Variants in NETO2 observed in about 807,000 individuals in gnomAD.
The protein encoded by NETO2 is neuropilin and tolloid-like protein 2.
Under a neutral mutation model 62.5 loss-of-function variants are expected in NETO2, and 28 were observed. The observed-to-expected ratio is 0.45, with a 90% CI of 0.33 to 0.61. NETO2 has a LOEUF of 0.61. Among genes scored for constraint, NETO2 ranks in the 20% least tolerant of loss-of-function variants. The probability of loss-of-function intolerance (pLI) is 0.02; values close to 1 mark genes in which losing one functional copy is unlikely to be tolerated. For synonymous variants in NETO2, 214 were observed against 219.1 expected (o/e 0.98, Z 0.21); for missense variants, 548 against 643.2 (o/e 0.85, Z 1.60).
At chr16:47,143,549 GCCGT>G (rs927681691) in intron 1 of NETO2, 26 bp downstream of exon 1, 108 of 1,221,630 alleles carry the variant, frequency 8.8e-5, no homozygotes, top group Non-Finnish European at 1.0e-4. Context: ...CGCAGGGGGC[GCCGT>G]CCGTGGCCCC....
intron 6 of NETO2, among the ~76,000 whole-genome samples, chr16:47,116,140 C>G (rs955928953): frequency 4.5e-4 from 63 of 140,196 alleles, no homozygotes; most frequent in African/African-American, 1.5e-3. Flanking sequence ...GTAGGGTTTT[C>G]TGTTTTTTTT....
At chr16:47,095,117 C>T (rs575603870) in intron 7 of NETO2, among the ~76,000 whole-genome samples, 1 of 152,292 alleles carries the variant, frequency 6.6e-6, no homozygotes, top group South Asian at 2.1e-4. Context: ...AAACTTCCCA[C>T]ATGCTTACCA....
At chr16:47,142,368 C>T (rs1964477732) in intron 1 of NETO2, among the ~76,000 whole-genome samples, 2 of 152,182 alleles carry the variant, frequency 1.3e-5, no homozygotes, top group Non-Finnish European at 2.9e-5. Context: ...TTACTGAAAT[C>T]TCAATTACGA....
chr16:47,097,631 T>TGAAGAGAGCAGCG (rs1963455317), intron 7 of NETO2, among the ~76,000 whole-genome samples: 1 of 152,298 alleles, frequency 6.6e-6, no homozygotes, highest in South Asian at 2.1e-4. Flanking sequence ...CTGCCGGCTC[T>TGAAGAGAGCAGCG]GAAGAGAGCA....
At chr16:47,093,519 G>C (rs1324512142) in intron 7 of NETO2, among the ~76,000 whole-genome samples, 1 of 152,074 alleles carries the variant, frequency 6.6e-6, no homozygotes, top group Non-Finnish European at 1.5e-5. Context: ...AACCCTTTAG[G>C]GCAGGTACTG....
chr16:47,097,140 C>A lies in NETO2; in HGVS notation c.884-10801G>T, dbSNP rs189438174. Among the ~76,000 whole-genome samples, 840 of 152,264 alleles carry A rather than the reference C, an allele frequency of 5.5e-3. 6 individuals are homozygous for A. The highest frequency in any genetic ancestry group is 0.01 in the Middle Eastern group (3 of 294). The stretch of plus-strand genomic sequence containing the variant: ...CTACCTGCAGAAGTTTTTTTTCATA[C>A]CCTAGTGGTGCCTGGAACGCCAGCG... On this transcript the variant is annotated intron_variant, in intron 7 of 8. Transcript: ENST00000562435.
In NETO2 at chr16:47,129,214, G is replaced by A. The variant is rs774295866; in HGVS notation, c.232+10C>T. ...AAAAATTCATCCAATAAAAGAAATC[G>A]TTCAAATACCTTCCAAAATGTAGAT... On this transcript the variant is annotated intron_variant, in intron 3 of 8. Coordinates refer to ENST00000562435, the MANE Select transcript of NETO2 (RefSeq NM_018092.5). 2.2e-5 allele frequency: 35 copies of A among 1,612,624 alleles called. No homozygotes were observed. The East Asian group carries it at 4.5e-4, about 21-fold the overall frequency.
At chr16:47,108,769 T>C (rs1201376125) in intron 7 of NETO2, among the ~76,000 whole-genome samples, 4 of 152,210 alleles carry the variant, frequency 2.6e-5, no homozygotes, top group Non-Finnish European at 5.9e-5. Flanking sequence ...TAGTTAATAA[T>C]ATCGTATCTG....
intron 4 of NETO2, among the ~76,000 whole-genome samples, chr16:47,124,168 T>G (rs1484948210): frequency 6.6e-6 from 1 of 152,196 alleles, no homozygotes; most frequent in East Asian, 1.9e-4. Context: ...CTTTTTTTTT[T>G]AACTTTATAA....
chr16:47,131,866 C>A (rs752841441), intron 2 of NETO2, 103 bp downstream of exon 2: 19 of 927,346 alleles, frequency 2.0e-5, no homozygotes, highest in Non-Finnish European at 3.4e-5. Context: ...CACTGGAACA[C>A]CCCAAAGGGA....
chr16:47,133,963 G>A (rs988023905), intron 1 of NETO2, among the ~76,000 whole-genome samples: 4 of 152,178 alleles, frequency 2.6e-5, no homozygotes, highest in African/African-American at 9.7e-5. Context: ...AGGAAGGAAA[G>A]GTGATCATGT....
chr16:47,122,214 G>C (rs903711718), intron 6 of NETO2, among the ~76,000 whole-genome samples: 6 of 152,166 alleles, frequency 3.9e-5, no homozygotes, highest in African/African-American at 1.2e-4. Context: ...GAGGATGGCA[G>C]GGTAAGAACA....
Position 47,122,512 on chromosome 16 carries a change from A to T in NETO2, c.654+145T>A, listed in dbSNP as rs547092583. 5 of 865,698 alleles carry T rather than the reference A, an allele frequency of 5.8e-6. No homozygotes were observed. The South Asian group carries it at 1.1e-4, about 19-fold the overall frequency. The allele number at this position is 865,698 out of a possible 1,614,324, so 53.6% of individuals were successfully genotyped here. On this transcript the variant is annotated intron_variant, in intron 6 of 8. Transcript: ENST00000562435. ...CTGGGATCTTAGTAGATGCCAATAA[A>T]GTAAGTGAAATAAAATACATTTTAA... is the stretch of plus-strand genomic sequence containing the variant.
intron 7 of NETO2, among the ~76,000 whole-genome samples, chr16:47,106,881 A>G (rs978262136): frequency 1.3e-5 from 2 of 151,616 alleles, no homozygotes; most frequent in African/African-American, 4.9e-5. Flanking sequence ...TCCCAGTTTC[A>G]AGCAATTTTC....
chr16:47,129,465 T>C (rs1019359223), intron 2 of NETO2, 101 bp from the exon 3 acceptor site: 2 of 1,193,078 alleles, frequency 1.7e-6, no homozygotes, highest in Non-Finnish European at 2.4e-6. Flanking sequence ...CTATGCTACA[T>C]ATATAAAATT....
intron 7 of NETO2, among the ~76,000 whole-genome samples, chr16:47,108,712 A>G (rs1963723976): frequency 6.6e-6 from 1 of 152,202 alleles, no homozygotes; most frequent in Non-Finnish European, 1.5e-5. Context: ...CTGGATCATA[A>G]AAGGACCTTC....
intron 4 of NETO2, among the ~76,000 whole-genome samples, chr16:47,127,467 G>C (rs1400080223): frequency 6.6e-6 from 1 of 152,132 alleles, no homozygotes; most frequent in Non-Finnish European, 1.5e-5. Flanking sequence ...TTTTTTAAAA[G>C]AGTAAATATT....
intron 4 of NETO2, among the ~76,000 whole-genome samples, chr16:47,124,660 TCATC>T (rs1964118097): frequency 1.3e-5 from 2 of 152,222 alleles, no homozygotes; most frequent in South Asian, 4.1e-4. Context: ...CAATGTGACC[TCATC>T]CACATTATAA....
chr16:47,087,830 T>C (rs1288075302), intron 7 of NETO2, among the ~76,000 whole-genome samples: 2 of 152,192 alleles, frequency 1.3e-5, no homozygotes, highest in South Asian at 2.1e-4. Flanking sequence ...TTCTCTGGGG[T>C]AGCCAGTCGC....
Sources: gnomAD v4.1 joint callset for allele counts (sites outside exome capture counted in the v4.1 genomes callset) on GRCh38, gnomAD v4.1.1 for gene constraint, MANE v1.5 for transcripts, NCBI Gene and HGNC (gene_info 2026-07-23, HGNC 2026-07-21) for gene names.